The following WIF1 variants were observed in gnomAD, a reference collection of about 807,000 sequenced individuals.
WIF1 encodes the protein Wnt inhibitory factor 1.
WIF1 carries 35 observed loss-of-function variants against 53.5 expected under a neutral mutation model. The observed-to-expected ratio is 0.65, with a 90% confidence interval of 0.50 to 0.87. The LOEUF is 0.87. Ranked by LOEUF, WIF1 falls within the 40% of genes least tolerant of loss-of-function variation. WIF1 has a pLI of 0.00. For synonymous variants in WIF1, 171 were observed against 170.4 expected, an observed-to-expected ratio of 1.00 and a Z score of -0.03; for missense variants, 467 against 476.8, an observed-to-expected ratio of 0.98 and a Z score of 0.19.
intron 2 of WIF1, among the ~76,000 whole-genome samples, chr12:65,093,248 C>T (rs913620085): frequency 3.3e-5 from 5 of 152,110 alleles, no homozygotes; most frequent in African/African-American, 9.7e-5. Context: ...GAGTAAAGAT[C>T]GCTCTGTGTG....
chr12:65,080,903 CTA>C lies in WIF1; in HGVS notation c.289-3051_289-3050del, dbSNP rs377729500. Among the ~76,000 whole-genome samples the C allele has an allele frequency of 5.5e-3, 835 of 152,090 alleles. 7 individuals are homozygous for C. The highest frequency in any genetic ancestry group is 0.018 in the African/African-American group (757 of 41,502). ...CACATTATAAATTAAATATACCTTT[CTA>C]TGTGTGATATATTTAAAAATTACAT... is the stretch of plus-strand genomic sequence containing the variant. On this transcript the variant is annotated intron_variant, in intron 2 of 9. Coordinates refer to ENST00000286574, the MANE Select transcript of WIF1 (RefSeq NM_007191.5).
intron 2 of WIF1, among the ~76,000 whole-genome samples, chr12:65,088,976 AC>A (rs1883083994): frequency 2.0e-5 from 3 of 152,146 alleles, no homozygotes; most frequent in Admixed American, 2.0e-4. Flanking sequence ...TTCCCAGGAA[AC>A]AACTACTAGT....
At chr12:65,112,445 C>T (rs1430746551) in intron 2 of WIF1, among the ~76,000 whole-genome samples, 1 of 149,584 alleles carries the variant, frequency 6.7e-6, no homozygotes, top group African/African-American at 2.5e-5. Context: ...CACACACACA[C>T]ACACACCATC....
chr12:65,077,721 C>T (rs1440713944), intron 3 of WIF1, 25 bp downstream of exon 3: 2 of 1,517,888 alleles, frequency 1.3e-6, no homozygotes, highest in Non-Finnish European at 1.8e-6. Context: ...AAGTGTAAAC[C>T]TTTCTTCAGG....
chr12:65,103,780 G>A (rs796582566), intron 2 of WIF1, among the ~76,000 whole-genome samples: 5 of 152,266 alleles, frequency 3.3e-5, no homozygotes, highest in East Asian at 3.9e-4. Flanking sequence ...GGCTCTGCAG[G>A]TGACTAAGGT....
chr12:65,081,274 C>G (rs9971693), intron 2 of WIF1, among the ~76,000 whole-genome samples: 4,598 of 152,168 alleles, frequency 0.03, 233 homozygotes, highest in African/African-American at 0.11. Flanking sequence ...TAAATCTCTT[C>G]CATGTCTCCT....
At chr12:65,094,736 A>C (rs1040259259) in intron 2 of WIF1, among the ~76,000 whole-genome samples, 8 of 152,070 alleles carry the variant, frequency 5.3e-5, no homozygotes, top group Non-Finnish European at 8.8e-5. Flanking sequence ...AACCAAATGC[A>C]ATAAATAAAG....
At chr12:65,086,488 C>G (rs1002200445) in intron 2 of WIF1, among the ~76,000 whole-genome samples, 5 of 152,034 alleles carry the variant, frequency 3.3e-5, no homozygotes, top group Non-Finnish European at 1.5e-5. Context: ...CTGTGGGGAC[C>G]AGGGTCAGTC....
intron 2 of WIF1, among the ~76,000 whole-genome samples, chr12:65,081,380 C>A (rs554505420): frequency 6.6e-6 from 1 of 152,038 alleles, no homozygotes; most frequent in East Asian, 1.9e-4. Context: ...AAATTCCATT[C>A]GGAGGCCAGA....
chr12:65,084,530 A>T (rs765816867), intron 2 of WIF1, among the ~76,000 whole-genome samples: 1 of 152,196 alleles, frequency 6.6e-6, no homozygotes, highest in African/African-American at 2.4e-5. Context: ...GCCCTTAAAC[A>T]TCTACCACTA....
In WIF1 at chr12:65,121,247, C is replaced by G; in HGVS notation, c.-56G>C. 6 of 1,384,006 alleles carry G rather than the reference C, an allele frequency of 4.3e-6. No individual in the cohort carries two copies. Among genetic ancestry groups the G allele is most frequent in the Non-Finnish European group, 5.7e-6 (6 of 1,059,816 alleles). The allele number at this position is 1,384,006 out of a possible 1,614,324, so 85.7% of individuals were successfully genotyped here. On this transcript the variant is annotated 5_prime_UTR_variant, in exon 1 of 10. Transcript: ENST00000286574. ...ACTCCTCGTGCCGCACCTACGCAAC[C>G]TGGCGCCGTCAGATACTCTGCTGCG...
intron 2 of WIF1, chr12:65,083,850 T>TCTTTTCTTTTCTTTTCTTTTC: frequency 2.4e-6 from 1 of 414,948 alleles, no homozygotes; most frequent in African/African-American, 2.2e-5. Flanking sequence ...TCTTTTCTTT[T>TCTTTTCTTTTCTTTTCTTTTC]CTTTTCTTTT....
At chr12:65,109,610 T>A (rs1047117856) in intron 2 of WIF1, among the ~76,000 whole-genome samples, 8 of 152,234 alleles carry the variant, frequency 5.3e-5, no homozygotes, top group Non-Finnish European at 8.8e-5. Flanking sequence ...AAGGACATAC[T>A]AAGCACTGAC....
At chr12:65,076,595 T>C (rs1882864419) in intron 3 of WIF1, among the ~76,000 whole-genome samples, 1 of 152,196 alleles carries the variant, frequency 6.6e-6, no homozygotes, top group African/African-American at 2.4e-5. Flanking sequence ...ACCAAGATTT[T>C]GGTACGCACA....
At chr12:65,119,574 C>CGT (rs1283286249) in intron 2 of WIF1, among the ~76,000 whole-genome samples, 11 of 151,756 alleles carry the variant, frequency 7.2e-5, no homozygotes, top group Non-Finnish European at 4.4e-5. Context: ...GAATAAAAGA[C>CGT]CGAAAAATGT....
chr12:65,105,689 T>C (rs1182889209), intron 2 of WIF1, among the ~76,000 whole-genome samples: 1 of 152,104 alleles, frequency 6.6e-6, no homozygotes, highest in Non-Finnish European at 1.5e-5. Flanking sequence ...TAATCCAGTC[T>C]CACGAGAGAA....
chr12:65,080,328 A>G (rs1024371051), intron 2 of WIF1, among the ~76,000 whole-genome samples: 2 of 152,216 alleles, frequency 1.3e-5, no homozygotes, highest in Non-Finnish European at 2.9e-5. Context: ...GGCCCTGAGA[A>G]TAAAGGGTCA....
intron 6 of WIF1, among the ~76,000 whole-genome samples, chr12:65,064,228 A>G (rs1882654755): frequency 6.6e-6 from 1 of 152,188 alleles, no homozygotes; most frequent in Non-Finnish European, 1.5e-5. Context: ...AGCTTCATAG[A>G]AAGTTGTAGA....
intron 9 of WIF1, among the ~76,000 whole-genome samples, chr12:65,054,662 A>G (rs973812447): frequency 6.6e-5 from 10 of 152,250 alleles, no homozygotes; most frequent in African/African-American, 2.4e-4. Context: ...TTTAAGAAGC[A>G]AAATGCTTCA....
Sources: gnomAD v4.1 joint callset for allele counts (sites outside exome capture counted in the v4.1 genomes callset) on GRCh38, gnomAD v4.1.1 for gene constraint, MANE v1.5 for transcripts, NCBI Gene and HGNC (gene_info 2026-07-23, HGNC 2026-07-21) for gene names.